The following RARB variants were observed in gnomAD, a reference collection of about 807,000 sequenced individuals.
RARB encodes HBV-activated protein.
RARB carries 17 observed loss-of-function variants against 51.9 expected under a neutral mutation model. The observed-to-expected ratio is 0.33, with a 90% CI of 0.22 to 0.49. The LOEUF (loss-of-function observed/expected upper bound fraction) is 0.49. RARB is among the 20% of genes least tolerant of loss of function. The pLI is 0.99. For synonymous variants in RARB, 215 were observed against 195.4 expected (o/e 1.10, Z -0.84); for missense variants, 369 against 550.8 (o/e 0.67, Z 3.30).
intron 5 of RARB, among the ~76,000 whole-genome samples, chr3:25,388,258 T>C (rs1383408776): frequency 1.3e-5 from 2 of 152,210 alleles, no homozygotes; most frequent in Non-Finnish European, 2.9e-5. Context: ...TTCTAAATAA[T>C]CAATTTACAA....
At chr3:24,924,281 A>G (rs1168849427) in intron 2 of RARB, among the ~76,000 whole-genome samples, 1 of 152,158 alleles carries the variant, frequency 6.6e-6, no homozygotes, top group African/African-American at 2.4e-5. Flanking sequence ...ATGAATTTCT[A>G]TATTCTTTAG....
At chr3:24,869,499 A>G (rs2125348080) in intron 2 of RARB, among the ~76,000 whole-genome samples, 1 of 152,246 alleles carries the variant, frequency 6.6e-6, no homozygotes, top group East Asian at 1.9e-4. Flanking sequence ...AAAACTCTGA[A>G]GGAGAGAATG....
In RARB at chr3:24,997,864, CTTGA is replaced by C. The variant is rs557511966; in HGVS notation, c.-379-62256_-379-62253del. The stretch of plus-strand genomic sequence containing the variant: ...TACATATATGCATTATATCCAACTT[CTTGA>C]TTGAGTTGTTAAAATCCTTATTTTT... On this transcript the variant is annotated intron_variant, in intron 2 of 11. Coordinates refer to the RARB transcript ENST00000383772. 1.8e-3 allele frequency among the ~76,000 whole-genome samples: 273 copies of C among 152,196 alleles called. 1 individual carries two copies. The highest frequency in any genetic ancestry group is 5.9e-3 in the African/African-American group (244 of 41,540).
intron 2 of RARB, among the ~76,000 whole-genome samples, chr3:25,004,992 C>A (rs1033110466): frequency 6.6e-6 from 1 of 152,088 alleles, no homozygotes; most frequent in Non-Finnish European, 1.5e-5. Flanking sequence ...GTCTTGTAGT[C>A]ATTCTTGATT....
intron 5 of RARB, among the ~76,000 whole-genome samples, chr3:25,225,853 A>G (rs1280920007): frequency 6.6e-6 from 1 of 152,182 alleles, no homozygotes; most frequent in Non-Finnish European, 1.5e-5. Flanking sequence ...GGGAAGTTAG[A>G]GTTGAGCAAC....
intron 2 of RARB, among the ~76,000 whole-genome samples, chr3:24,877,345 A>ATTTTTTT (rs1559379782): frequency 5.6e-5 from 1 of 17,764 alleles, no homozygotes; most frequent in Admixed American, 6.3e-4. Flanking sequence ...AAGCAATCTT[A>ATTTTTTT]CTTTTTTTTT....
intron 2 of RARB, among the ~76,000 whole-genome samples, chr3:24,962,572 C>G (rs1157461523): frequency 6.6e-6 from 1 of 152,194 alleles, no homozygotes; most frequent in East Asian, 1.9e-4. Context: ...AAGCAGCAAG[C>G]AAACCAGCAT....
At chr3:24,916,740 C>A in intron 2 of RARB, among the ~76,000 whole-genome samples, 1 of 130,780 alleles carries the variant, frequency 7.6e-6, no homozygotes, top group South Asian at 2.5e-4. Flanking sequence ...TATGGCATTG[C>A]AGTCTCATTT....
chr3:25,209,157 C>T (rs1050589092), intron 5 of RARB, among the ~76,000 whole-genome samples: 2 of 152,224 alleles, frequency 1.3e-5, no homozygotes, highest in African/African-American at 2.4e-5. Flanking sequence ...TTTGCGTTTT[C>T]ATGGGTCCCA....
At chr3:24,930,196 T>C (rs1395201973) in intron 2 of RARB, among the ~76,000 whole-genome samples, 1 of 152,010 alleles carries the variant, frequency 6.6e-6, no homozygotes, top group Non-Finnish European at 1.5e-5. Flanking sequence ...TAAAGTAAAA[T>C]TAATACAACA....
intron 5 of RARB, among the ~76,000 whole-genome samples, chr3:25,187,710 C>A (rs1419701136): frequency 6.6e-6 from 1 of 151,828 alleles, no homozygotes; most frequent in Non-Finnish European, 1.5e-5. Context: ...GGTGTTCAGG[C>A]TACAGAGAAA....
intron 1 of RARB, among the ~76,000 whole-genome samples, chr3:24,853,734 T>C (rs1475727164): frequency 6.6e-6 from 1 of 152,230 alleles, no homozygotes; most frequent in African/African-American, 2.4e-5. Context: ...AACAGGGCCA[T>C]TGAATCTAAG....
intron 3 of RARB, among the ~76,000 whole-genome samples, chr3:25,108,954 G>A (rs1203609332): frequency 6.6e-6 from 1 of 152,148 alleles, no homozygotes; most frequent in East Asian, 1.9e-4. Flanking sequence ...ACAGTGGGCT[G>A]TAGAGCAAAG....
chr3:25,412,115 C>T (rs1707578049), intron 5 of RARB, among the ~76,000 whole-genome samples: 1 of 152,184 alleles, frequency 6.6e-6, no homozygotes, highest in East Asian at 1.9e-4. Flanking sequence ...TCTAATGGCT[C>T]TTGGCTTCTA....
intron 3 of RARB, among the ~76,000 whole-genome samples, chr3:25,101,661 T>A (rs562610889): frequency 2.6e-5 from 4 of 151,832 alleles, no homozygotes; most frequent in Non-Finnish European, 5.9e-5. Context: ...TTTTTTTTTT[T>A]ATTATATTCA....
chr3:25,184,774 C>G (rs1467894764), intron 5 of RARB, among the ~76,000 whole-genome samples: 1 of 152,030 alleles, frequency 6.6e-6, no homozygotes, highest in Non-Finnish European at 1.5e-5. Context: ...CACCTATACT[C>G]CCAGCGCTTT....
chr3:25,176,262 G>C lies in RARB; in HGVS notation c.178+1687G>C, dbSNP rs117437151. Among the ~76,000 whole-genome samples the C allele has an allele frequency of 2.3e-3, 338 of 149,020 alleles. 2 individuals are homozygous for C. Among genetic ancestry groups the C allele is most frequent in the East Asian group, 0.02 (103 of 5,028 alleles). On this transcript the variant is annotated intron_variant, in intron 5 of 11. Transcript: ENST00000383772. ...GCAACTTTGGGCTTTGGGCTTCTTT[G>C]GCTACTGATTTATTTTTATTTATAT...
At chr3:25,560,466 C>G (rs1175397262) in intron 3 of RARB, among the ~76,000 whole-genome samples, 1 of 152,162 alleles carries the variant, frequency 6.6e-6, no homozygotes, top group Non-Finnish European at 1.5e-5. Context: ...ATGGCTCAGG[C>G]AGAAATCCAT....
At chr3:25,336,062 G>T (rs1175809684) in intron 5 of RARB, among the ~76,000 whole-genome samples, 1 of 149,572 alleles carries the variant, frequency 6.7e-6, no homozygotes, top group Non-Finnish European at 1.5e-5. Context: ...CACCCCCACT[G>T]GGGAGGGAAA....
Sources: allele counts gnomAD v4.1 joint callset (sites outside exome capture counted in the v4.1 genomes callset), GRCh38; gene constraint gnomAD v4.1.1; transcripts MANE v1.5; gene names NCBI Gene and HGNC (gene_info 2026-07-23, HGNC 2026-07-21).